The following SLC7A5 variants were observed in gnomAD, a reference collection of about 807,000 sequenced individuals.
The protein encoded by SLC7A5 is solute carrier family 7 member 5, also known as large neutral amino acids transporter small subunit 1.
SLC7A5 carries 23 observed loss-of-function variants against 50.2 expected under a neutral mutation model. The observed-to-expected ratio is 0.46, with a 90% CI of 0.33 to 0.65. The LOEUF (loss-of-function observed/expected upper bound fraction) is 0.65, where lower values mean the gene tolerates loss of function less well. SLC7A5 is among the 30% of genes least tolerant of loss of function. SLC7A5 has a pLI of 0.02. For missense variants in SLC7A5, 578 were observed against 684.4 expected (o/e 0.84, Z 1.73); for synonymous variants, 393 against 330.6 (o/e 1.19, Z -2.05).
At position 87,834,661 on chromosome 16, in the gene SLC7A5, C is replaced by T. The variant is rs1285607454; in HGVS notation, c.1291-70G>A. On this transcript the variant is annotated intron_variant, in intron 8 of 9. Transcript: ENST00000261622. ...CTCCCTCCCCCATGCCCCGAGGTTCCTCAGCCCTCCTGGGCCCTCCACACC... is the reference window on the plus strand; with the variant it reads ...CTCCCTCCCCCATGCCCCGAGGTTCTTCAGCCCTCCTGGGCCCTCCACACC... The T allele has an allele frequency of 3.3e-6, 5 of 1,512,188 alleles. No individual in the cohort carries two copies. In the South Asian group the frequency reaches 6.0e-5, roughly 18 times the overall value. The allele number at this position is 1,512,188 out of a possible 1,614,324, so 93.7% of individuals were successfully genotyped here. A position where few individuals can be genotyped will look rare whatever the true frequency, so the allele number is the denominator to read the frequency against.
At position 87,840,487 on chromosome 16, in the gene SLC7A5, A is replaced by G. The variant is rs771569336; in HGVS notation, c.771-14T>C. The G allele has an allele frequency of 2.5e-5, 39 of 1,591,572 alleles. No individual in the cohort carries two copies. Among genetic ancestry groups the G allele is most frequent in the Non-Finnish European group, 3.3e-5 (38 of 1,163,546 alleles). ...TTCAAGTAATTCCTAAAATTTAGAG[A>G]ACAGCGTTCAAATTATATGATCCTC... On this transcript the variant is annotated splice_polypyrimidine_tract_variant and intron_variant, in intron 3 of 9. Coordinates refer to ENST00000261622, the MANE Select transcript of SLC7A5 (RefSeq NM_003486.7).
At chr16:87,859,671 T>G (rs1448310865) in intron 1 of SLC7A5, among the ~76,000 whole-genome samples, 1 of 152,156 alleles carries the variant, frequency 6.6e-6, no homozygotes, top group African/African-American at 2.4e-5. Flanking sequence ...CCTGGCTCAG[T>G]GGCTCATGCC....
At position 87,865,197 on chromosome 16, in the gene SLC7A5, C is replaced by CA. The variant is rs558909578; in HGVS notation, c.538+3687dup. Among the ~76,000 whole-genome samples, 643 of 145,122 alleles carry CA rather than the reference C, an allele frequency of 4.4e-3. 2 individuals carry two copies. Among genetic ancestry groups the CA allele is most frequent in the South Asian group, 0.038 (174 of 4,532 alleles). ...CTTTCTGTTACTGAAAATCACTTTC[C>CA]AAAAAAAAAAGCAACACATACACAC... On this transcript the variant is annotated intron_variant, in intron 1 of 9. Transcript: ENST00000261622.
chr16:87,847,826 G>A (rs1360477772), intron 2 of SLC7A5, among the ~76,000 whole-genome samples: 1 of 152,188 alleles, frequency 6.6e-6, no homozygotes, highest in Non-Finnish European at 1.5e-5. Context: ...AGAACCAAAG[G>A]AAAACCATCA....
In SLC7A5 at chr16:87,832,683, T is replaced by A. The variant is rs551055261; in HGVS notation, c.*287A>T. Reference sequence around the variant, plus strand: ...ACCCAAAATTTAAGTTTAAAAAAAATATATATATAAGTAAACAAAGGAGGG... The same window carrying A: ...ACCCAAAATTTAAGTTTAAAAAAAAAATATATATAAGTAAACAAAGGAGGG... On this transcript the variant is annotated 3_prime_UTR_variant, in exon 10 of 10. Coordinates refer to ENST00000261622, the MANE Select transcript of SLC7A5 (RefSeq NM_003486.7). This position sits in a 1 kb window ranked among gnomAD's most constrained non-coding sequence, Gnocchi z 4.6. 142 of 183,042 alleles carry A rather than the reference T, an allele frequency of 7.8e-4. No homozygotes were observed. The highest frequency in any genetic ancestry group is 3.0e-3 in the Admixed American group (52 of 17,282). The allele number at this position is 183,042 out of a possible 1,614,324, so 11.3% of individuals were successfully genotyped here. A position where few individuals can be genotyped will look rare whatever the true frequency, so the allele number is the denominator to read the frequency against.
Position 87,860,982 on chromosome 16 carries a change from G to A in SLC7A5, c.538+7903C>T, listed in dbSNP as rs2055390481. On this transcript the variant is annotated intron_variant, in intron 1 of 9. Coordinates refer to ENST00000261622, the MANE Select transcript of SLC7A5 (RefSeq NM_003486.7). This position sits in a 1 kb window ranked among gnomAD's most constrained non-coding sequence, Gnocchi z 4.8. ...TCCGCCTTCCAGAGGGAGAATTCAG[G>A]ATTCGGCCAGTATCAGGGAAGGAGA... is the stretch of plus-strand genomic sequence containing the variant. Among the ~76,000 whole-genome samples, 1 of 152,236 alleles carries A rather than the reference G, an allele frequency of 6.6e-6. No individual in the cohort carries two copies. Among genetic ancestry groups the A allele is most frequent in the South Asian group, 2.1e-4 (1 of 4,834 alleles).
At chr16:87,865,667 A>G (rs888856035) in intron 1 of SLC7A5, among the ~76,000 whole-genome samples, 1 of 152,136 alleles carries the variant, frequency 6.6e-6, no homozygotes, top group Admixed American at 6.5e-5. Context: ...AGATCGTGCC[A>G]TTGTACTCCA....
rs1450452926 is a variant in SLC7A5, at chr16:87,853,414, G to A, written c.539-1565C>T. Among the ~76,000 whole-genome samples the A allele has an allele frequency of 2.0e-5, 3 of 152,142 alleles. No individual in the cohort carries two copies. Among genetic ancestry groups the A allele is most frequent in the South Asian group, 4.1e-4 (2 of 4,828 alleles). ...AAAATGTCTGAAAGTCAGTGTTTTCGCTGCTATTCCTAAAATAAAATACTT... is the reference window on the plus strand; with the variant it reads ...AAAATGTCTGAAAGTCAGTGTTTTCACTGCTATTCCTAAAATAAAATACTT... On this transcript the variant is annotated intron_variant, in intron 1 of 9. Transcript: ENST00000261622. The surrounding 1 kb of genome is among the most constrained non-coding windows in gnomAD (Gnocchi z 4.4).
At chr16:87,842,581 G>A (rs941554081) in intron 2 of SLC7A5, among the ~76,000 whole-genome samples, 7 of 152,332 alleles carry the variant, frequency 4.6e-5, no homozygotes, top group Admixed American at 6.5e-5. Flanking sequence ...TCCCCGTGGC[G>A]TGCTGGATGC....
At chr16:87,847,183 G>A (rs1035925871) in intron 2 of SLC7A5, among the ~76,000 whole-genome samples, 4 of 152,178 alleles carry the variant, frequency 2.6e-5, no homozygotes, top group African/African-American at 9.7e-5. Context: ...CAGCCCAGGG[G>A]GGCTTCTCAG....
rs115499924 is a variant in SLC7A5 at position 87,865,144 on chromosome 16, T to C, written c.538+3741A>G. Among the ~76,000 whole-genome samples, 625 of 152,196 alleles carry C rather than the reference T, an allele frequency of 4.1e-3. 3 individuals carry two copies. The highest frequency in any genetic ancestry group is 0.014 in the African/African-American group (591 of 41,504). On this transcript the variant is annotated intron_variant, in intron 1 of 9. Transcript: ENST00000261622. ...CTTGCCTTACACACAGGGGCAAGAA[T>C]AGATTCACTCTTGCAGAGAGTACAT...
chr16:87,840,693 G>A (rs976620804), intron 3 of SLC7A5, among the ~76,000 whole-genome samples: 24 of 152,174 alleles, frequency 1.6e-4, no homozygotes, highest in Non-Finnish European at 3.2e-4. Context: ...CTGCCTGTTC[G>A]CCCTACTGGG....
In SLC7A5 at chr16:87,839,692, A is replaced by T; in HGVS notation, c.939+10T>A. 1 of 1,612,936 alleles carries T rather than the reference A, an allele frequency of 6.2e-7. No homozygotes were observed. The highest frequency in any genetic ancestry group is 1.1e-5 in the South Asian group (1 of 91,068). ...AGGCCCCTGGTGGAAGCTGGCGGGT[A>T]GCGGCTCACCACGGCCACGGCCTCG... is the stretch of plus-strand genomic sequence containing the variant. On this transcript the variant is annotated intron_variant, in intron 5 of 9. Transcript: ENST00000261622.
intron 1 of SLC7A5, among the ~76,000 whole-genome samples, chr16:87,864,448 C>A (rs2055437561): frequency 6.6e-6 from 1 of 152,160 alleles, no homozygotes; most frequent in South Asian, 2.1e-4. Context: ...CCAGGCTGCC[C>A]CCTGCACCTG....
intron 1 of SLC7A5, among the ~76,000 whole-genome samples, chr16:87,858,278 G>A (rs570503467): frequency 8.5e-5 from 13 of 152,262 alleles, no homozygotes; most frequent in South Asian, 4.1e-4. Context: ...CGTGTCTTAC[G>A]GCGCCCCATG....
At chr16:87,865,636 T>C (rs2055450740) in intron 1 of SLC7A5, among the ~76,000 whole-genome samples, 1 of 151,736 alleles carries the variant, frequency 6.6e-6, no homozygotes, top group Non-Finnish European at 1.5e-5. Context: ...GAACCCGGGA[T>C]GCGGAGGTTG....
chr16:87,848,096 C>G (rs1487895959), intron 2 of SLC7A5, among the ~76,000 whole-genome samples: 1 of 151,434 alleles, frequency 6.6e-6, no homozygotes, highest in Non-Finnish European at 1.5e-5. Flanking sequence ...CCCTGGCAGG[C>G]TGCGGCTTTC....
intron 1 of SLC7A5, among the ~76,000 whole-genome samples, chr16:87,866,462 A>G (rs1044187773): frequency 8.6e-5 from 13 of 151,722 alleles, no homozygotes; most frequent in Non-Finnish European, 1.3e-4. Flanking sequence ...CATGACGCCC[A>G]GCTGATTTTT....
At chr16:87,838,932 C>A in intron 5 of SLC7A5, 115 bp from the exon 6 acceptor site, 1 of 781,912 alleles carries the variant, frequency 1.3e-6, no homozygotes, top group East Asian at 2.6e-5. Context: ...CACAAGAGCC[C>A]TCTGCAGAGG....
Sources: allele counts gnomAD v4.1 joint callset (sites outside exome capture counted in the v4.1 genomes callset), GRCh38; gene constraint gnomAD v4.1.1; non-coding constraint Gnocchi (gnomAD v3.1); transcripts MANE v1.5; gene names NCBI Gene and HGNC (gene_info 2026-07-23, HGNC 2026-07-21).